The following SBF2 variants were observed in gnomAD, a reference collection of about 807,000 sequenced individuals.
SBF2 encodes myotubularin-related protein 13.
A neutral mutation model predicts 225.2 loss-of-function variants in SBF2; 112 were observed. That is an observed-to-expected ratio of 0.50 (90% CI 0.43 to 0.58). The LOEUF (loss-of-function observed/expected upper bound fraction) is 0.58, where lower values mean the gene tolerates loss of function less well. Among genes scored for constraint, SBF2 ranks in the 20% least tolerant of loss-of-function variants. SBF2 has a pLI of 0.00. For missense variants in SBF2, 1,996 were observed against 2,206.2 expected (o/e 0.90, Z 1.91); for synonymous variants, 763 against 773.3 (o/e 0.99, Z 0.22).
intron 17 of SBF2, among the ~76,000 whole-genome samples, chr11:9,885,096 C>A (rs1400511961): frequency 6.6e-6 from 1 of 151,478 alleles, no homozygotes; most frequent in Non-Finnish European, 1.5e-5. Flanking sequence ...ACTAAAAATA[C>A]AAAAATTAGC....
chr11:9,832,662 A>C (rs1855473372), intron 26 of SBF2, among the ~76,000 whole-genome samples: 1 of 151,952 alleles, frequency 6.6e-6, no homozygotes, highest in Non-Finnish European at 1.5e-5. Flanking sequence ...GCTGGTTTCA[A>C]ATTTTTGGGC....
chr11:10,042,008 T>C (rs915121949), intron 3 of SBF2, among the ~76,000 whole-genome samples: 2 of 152,144 alleles, frequency 1.3e-5, no homozygotes, highest in Admixed American at 1.3e-4. Flanking sequence ...AAACAACTCA[T>C]GTAAAACTTA....
intron 6 of SBF2, among the ~76,000 whole-genome samples, chr11:10,018,583 A>G (rs1160931283): frequency 6.6e-6 from 1 of 152,194 alleles, no homozygotes; most frequent in Non-Finnish European, 1.5e-5. Flanking sequence ...CAATGCAAAG[A>G]TAGAGCTATT....
chr11:9,953,471 C>T (rs1390902642), intron 16 of SBF2, among the ~76,000 whole-genome samples: 4 of 151,910 alleles, frequency 2.6e-5, no homozygotes, highest in African/African-American at 7.3e-5. Flanking sequence ...GAAACTGTGG[C>T]AGATATATAT....
chr11:10,093,160 G>A (rs554770148), intron 2 of SBF2, among the ~76,000 whole-genome samples: 1 of 151,790 alleles, frequency 6.6e-6, no homozygotes, highest in African/African-American at 2.4e-5. Flanking sequence ...GAGACTGCAG[G>A]TGCATCCCAC....
At position 10,211,961 on chromosome 11, in the gene SBF2, C is replaced by T. The variant is rs796257995; in HGVS notation, c.56-17974G>A. ...GTGGTAGAAGCAGCTTATGATAATA[C>T]ACCATCATTCTCCAAAATGTATCTA... On this transcript the variant is annotated intron_variant, in intron 1 of 39. Transcript: ENST00000256190. Among the ~76,000 whole-genome samples, 21 of 152,290 alleles carry T rather than the reference C, an allele frequency of 1.4e-4. 1 individual carries two copies. The highest frequency in any genetic ancestry group is 4.3e-4 in the African/African-American group (18 of 41,552).
At chr11:10,229,283 A>AT (rs1958720744) in intron 1 of SBF2, among the ~76,000 whole-genome samples, 1 of 151,970 alleles carries the variant, frequency 6.6e-6, no homozygotes, top group Admixed American at 6.6e-5. Context: ...GGATTCATTG[A>AT]TTTTTTGAAG....
intron 2 of SBF2, among the ~76,000 whole-genome samples, chr11:10,098,679 GCACACACACACACACACACA>G (rs56244507): frequency 3.1e-5 from 4 of 130,830 alleles, no homozygotes; most frequent in East Asian, 4.5e-4. Flanking sequence ...GACAAAAAAT[GCACACACACACACACACACA>G]CACACACACA....
At chr11:10,212,877 C>T (rs537716511) in intron 1 of SBF2, among the ~76,000 whole-genome samples, 136 of 152,204 alleles carry the variant, frequency 8.9e-4, no homozygotes, top group African/African-American at 3.1e-3. Context: ...TGGGGAACCC[C>T]GTCTCTACTA....
At chr11:9,827,909 C>G (rs1466181265) in intron 28 of SBF2, among the ~76,000 whole-genome samples, 1 of 152,170 alleles carries the variant, frequency 6.6e-6, no homozygotes, top group Non-Finnish European at 1.5e-5. Context: ...CCAAACTTAT[C>G]AATATATATG....
intron 1 of SBF2, among the ~76,000 whole-genome samples, chr11:10,219,203 G>A (rs1347388831): frequency 6.6e-6 from 1 of 152,198 alleles, no homozygotes; most frequent in African/African-American, 2.4e-5. Flanking sequence ...CTGAAATCTA[G>A]GTAGAGGTTC....
chr11:10,110,658 A>G (rs1340275601), intron 2 of SBF2, among the ~76,000 whole-genome samples: 3 of 152,178 alleles, frequency 2.0e-5, no homozygotes, highest in African/African-American at 7.2e-5. Flanking sequence ...TAAATTTAAT[A>G]TCACAAAACC....
At chr11:9,920,012 G>C (rs909427037) in intron 16 of SBF2, among the ~76,000 whole-genome samples, 20 of 151,864 alleles carry the variant, frequency 1.3e-4, no homozygotes, top group African/African-American at 4.1e-4. Context: ...GATTACAGGT[G>C]TGAGCCACCA....
At chr11:10,281,209 A>C (rs1356638994) in intron 1 of SBF2, among the ~76,000 whole-genome samples, 1 of 152,210 alleles carries the variant, frequency 6.6e-6, no homozygotes, top group Non-Finnish European at 1.5e-5. Flanking sequence ...CAGGTCTGCT[A>C]TGACAATCCC....
At chr11:9,854,417 GAA>G (rs569229712) in intron 19 of SBF2, among the ~76,000 whole-genome samples, 1 of 152,090 alleles carries the variant, frequency 6.6e-6, no homozygotes, top group Non-Finnish European at 1.5e-5. Context: ...CAGACTCTGG[GAA>G]AAGACTCATT....
At chr11:10,282,955 C>T (rs1963511948) in intron 1 of SBF2, among the ~76,000 whole-genome samples, 1 of 152,190 alleles carries the variant, frequency 6.6e-6, no homozygotes, top group Non-Finnish European at 1.5e-5. Context: ...TCTCTCCATT[C>T]CTGTAACAAG....
At chr11:10,147,506 G>A (rs1565285072) in intron 2 of SBF2, among the ~76,000 whole-genome samples, 1 of 152,092 alleles carries the variant, frequency 6.6e-6, no homozygotes, top group Non-Finnish European at 1.5e-5. Flanking sequence ...CTTTGAGGGA[G>A]CTAAACGATG....
At chr11:10,294,465 G>C (rs1964402243), upstream of SBF2, among the ~76,000 whole-genome samples, 1 of 152,216 alleles carries the variant, frequency 6.6e-6, no homozygotes, top group Non-Finnish European at 1.5e-5. Flanking sequence ...CTAAAGCAGG[G>C]GGTCCTTCCT....
intron 1 of SBF2, among the ~76,000 whole-genome samples, chr11:10,222,217 C>G (rs1315846453): frequency 2.0e-5 from 3 of 152,174 alleles, no homozygotes; most frequent in African/African-American, 7.2e-5. Flanking sequence ...ACTTCATATT[C>G]ACAATATCCA....
Sources: allele counts gnomAD v4.1 joint callset (sites outside exome capture counted in the v4.1 genomes callset), GRCh38; gene constraint gnomAD v4.1.1; transcripts MANE v1.5; gene names NCBI Gene and HGNC (gene_info 2026-07-23, HGNC 2026-07-21).